The following MGST2 variants were observed in gnomAD, a reference collection of about 807,000 sequenced individuals.
MGST2 encodes the protein microsomal glutathione S-transferase 2.
Under a neutral mutation model 16.6 loss-of-function variants are expected in MGST2, and 9 were observed. That is an observed-to-expected ratio of 0.54 (90% CI 0.33 to 0.95). The LOEUF (loss-of-function observed/expected upper bound fraction) is 0.95. MGST2 is among the 40% of genes least tolerant of loss of function. The probability of loss-of-function intolerance (pLI) is 0.03; values close to 1 mark genes in which losing one functional copy is unlikely to be tolerated. For synonymous variants in MGST2, 79 were observed against 68.0 expected (o/e 1.16, Z -0.79); for missense variants, 159 against 175.1 (o/e 0.91, Z 0.52).
intron 5 of MGST2, among the ~76,000 whole-genome samples, chr4:139,727,124 C>G (rs1427227986): frequency 6.6e-6 from 1 of 152,164 alleles, no homozygotes; most frequent in Non-Finnish European, 1.5e-5. Flanking sequence ...TGTGTTTGTT[C>G]CTGGGCTGCT....
downstream of MGST2, among the ~76,000 whole-genome samples, chr4:139,708,999 C>CA (rs36036249): frequency 1.6e-3 from 161 of 102,588 alleles, 9 homozygotes; most frequent in South Asian, 0.021. Context: ...AACTCCGTCT[C>CA]AAAAAAAAAA....
intron 5 of MGST2, chr4:139,731,268 C>T (rs2602221): frequency 0.99 from 153,473 of 154,634 alleles, 76,165 homozygotes; most frequent in South Asian, 1. Context: ...TGTTTTACAC[C>T]GATCAAAGCT....
At chr4:139,739,058 C>G (rs978882535) in intron 5 of MGST2, among the ~76,000 whole-genome samples, 1 of 152,166 alleles carries the variant, frequency 6.6e-6, no homozygotes, top group Admixed American at 6.5e-5. Context: ...TGAGTCTTCC[C>G]AGTATCCAGC....
At chr4:139,740,128 ATCTTCCAAGAAT>A (rs1729109931) in intron 5 of MGST2, 1 of 152,108 alleles carries the variant, frequency 6.6e-6, no homozygotes, top group South Asian at 2.1e-4. Context: ...GGTACTGACC[ATCTTCCAAGAAT>A]TCTTTGGTCT....
intron 1 of MGST2, among the ~76,000 whole-genome samples, chr4:139,667,641 C>T (rs1002418967): frequency 5.9e-5 from 9 of 152,060 alleles, no homozygotes; most frequent in Non-Finnish European, 1.0e-4. Flanking sequence ...AGGTGGATCA[C>T]GAGGTCAAGA....
chr4:139,688,883 G>A (rs897376022), intron 2 of MGST2, among the ~76,000 whole-genome samples: 2 of 152,100 alleles, frequency 1.3e-5, no homozygotes, highest in Non-Finnish European at 2.9e-5. Flanking sequence ...AAGGTGGGTG[G>A]ATCACTTGAG....
chr4:139,743,204 A>G (rs1320961884), downstream of MGST2, among the ~76,000 whole-genome samples: 1 of 152,218 alleles, frequency 6.6e-6, no homozygotes, highest in Non-Finnish European at 1.5e-5. Context: ...AGCTGCTGCA[A>G]CCATTACCAC....
intron 2 of MGST2, among the ~76,000 whole-genome samples, chr4:139,682,698 A>C (rs936381588): frequency 6.6e-6 from 1 of 152,134 alleles, no homozygotes; most frequent in African/African-American, 2.4e-5. Context: ...GCATTGGTAG[A>C]AGCAGAAAAT....
chr4:139,705,231 C>T (rs1220709392), downstream of MGST2, among the ~76,000 whole-genome samples: 1 of 152,122 alleles, frequency 6.6e-6, no homozygotes, highest in Non-Finnish European at 1.5e-5. Context: ...AGGAGTCAAG[C>T]TCAAATCTGT....
At chr4:139,703,926 G>C in intron 4 of MGST2, 90 bp from the exon 5 acceptor site, 1 of 1,525,434 alleles carries the variant, frequency 6.6e-7, no homozygotes, top group South Asian at 1.1e-5. Context: ...GTTCTGGACA[G>C]TGTTAACGAT....
At chr4:139,709,725 T>C (rs1488403561) in intron 5 of MGST2, among the ~76,000 whole-genome samples, 1 of 152,214 alleles carries the variant, frequency 6.6e-6, no homozygotes. Flanking sequence ...AAAATCAGAT[T>C]CTTGGTAGCC....
intron 5 of MGST2, chr4:139,731,499 T>C (rs1400179605): frequency 2.9e-5 from 4 of 137,274 alleles, no homozygotes; most frequent in African/African-American, 1.1e-4. Context: ...GCACCTGTAA[T>C]CCCAGCTACT....
chr4:139,670,199 A>G lies in MGST2; in HGVS notation c.58+4122A>G, dbSNP rs563544288. Among the ~76,000 whole-genome samples, 187 of 120,618 alleles carry G rather than the reference A, an allele frequency of 1.6e-3. No homozygotes were observed. The Middle Eastern group carries it at 0.047, about 30-fold the overall frequency. The allele number at this position is 120,618 out of a possible 152,430, so 79.1% of individuals were successfully genotyped here. On this transcript the variant is annotated intron_variant, in intron 1 of 4. Transcript: ENST00000265498. ...GGAGAGGTCACAAAGACCTTGAGGC[A>G]GCTTCTTTAGTTCAGTCATATTTTG...
At chr4:139,673,987 G>A (rs1008999180) in intron 1 of MGST2, among the ~76,000 whole-genome samples, 7 of 152,216 alleles carry the variant, frequency 4.6e-5, no homozygotes, top group African/African-American at 1.7e-4. Flanking sequence ...GGCCACAGGT[G>A]GATTCAGAGA....
downstream of MGST2, among the ~76,000 whole-genome samples, chr4:139,743,798 G>C (rs1729234960): frequency 2.0e-5 from 3 of 152,138 alleles, no homozygotes; most frequent in African/African-American, 7.2e-5. Context: ...ATATAAAAAA[G>C]GTCGACAAGG....
At chr4:139,733,465 A>G (rs976328278) in intron 5 of MGST2, among the ~76,000 whole-genome samples, 4 of 152,104 alleles carry the variant, frequency 2.6e-5, no homozygotes, top group Non-Finnish European at 4.4e-5. Context: ...GGGAAAAGAA[A>G]GAGAGAGGCA....
downstream of MGST2, among the ~76,000 whole-genome samples, chr4:139,705,251 C>T (rs1398009705): frequency 1.3e-5 from 2 of 152,170 alleles, no homozygotes; most frequent in African/African-American, 4.8e-5. Context: ...TCTCCCTCTG[C>T]TGGCTTCCAA....
At chr4:139,698,655 G>T in intron 3 of MGST2, 1 of 771,316 alleles carries the variant, frequency 1.3e-6, no homozygotes, top group Non-Finnish European at 2.2e-6. Flanking sequence ...GTTTCTTATA[G>T]CAATCCTGCT....
chr4:139,666,100 G>A (rs1303056803), intron 1 of MGST2, 23 bp downstream of exon 1: 3 of 1,530,136 alleles, frequency 2.0e-6, no homozygotes, highest in Admixed American at 1.8e-5. Context: ...GGAAGTTCGT[G>A]TGTGTGCGCG....
Sources: allele counts gnomAD v4.1 joint callset (sites outside exome capture counted in the v4.1 genomes callset), GRCh38; gene constraint gnomAD v4.1.1; transcripts MANE v1.5; gene names NCBI Gene and HGNC (gene_info 2026-07-23, HGNC 2026-07-21).